SYNE2: variants seen among roughly 807,000 people sequenced by gnomAD.
SYNE2 encodes the protein nesprin-2.
Under a neutral mutation model 856.3 loss-of-function variants are expected in SYNE2, and 431 were observed. The observed-to-expected ratio is 0.50, with a 90% CI of 0.47 to 0.55. The LOEUF (loss-of-function observed/expected upper bound fraction) is 0.55, where lower values mean the gene tolerates loss of function less well. Among genes scored for constraint, SYNE2 ranks in the 20% least tolerant of loss-of-function variants. The pLI is 0.00. For missense variants in SYNE2, 8,129 were observed against 8,023.2 expected (o/e 1.01, Z -0.50); for synonymous variants, 2,923 against 2,872.3 (o/e 1.02, Z -0.56).
rs145321407 is a variant in SYNE2 at position 63,918,844 on chromosome 14, T to C, written c.79+9617T>C. Among the ~76,000 whole-genome samples, 956 of 152,290 alleles carry C rather than the reference T, an allele frequency of 6.3e-3. 13 individuals carry two copies. The highest frequency in any genetic ancestry group is 0.022 in the African/African-American group (914 of 41,552). On this transcript the variant is annotated intron_variant, in intron 2 of 115. Coordinates refer to ENST00000555002, the MANE Select transcript of SYNE2 (RefSeq NM_182914.3). Reference sequence around the variant, plus strand: ...AAAGGTGGAGCACAAAGAGCCCTTCTCAAATTTGAGAAACACTTAATATCT... The same window carrying C: ...AAAGGTGGAGCACAAAGAGCCCTTCCCAAATTTGAGAAACACTTAATATCT...
chr14:64,218,362 T>C, intron 108 of SYNE2, 36 bp from the exon 109 acceptor site: 1 of 1,579,224 alleles, frequency 6.3e-7, no homozygotes. Flanking sequence ...ATCCTTCATA[T>C]CTACAGATGG....
intron 1 of SYNE2, among the ~76,000 whole-genome samples, chr14:63,820,261 C>T (rs1284510607): frequency 3.3e-5 from 5 of 151,864 alleles, no homozygotes; most frequent in Admixed American, 6.6e-5. Context: ...AGAAATAAAC[C>T]CATACATATA....
At chr14:64,113,071 C>T in intron 65 of SYNE2, 11 of 985,424 alleles carry the variant, frequency 1.1e-5, no homozygotes, top group Non-Finnish European at 1.3e-5. Flanking sequence ...TCTCCTGGGG[C>T]TCACCGGGTA....
intron 3 of SYNE2, 51 bp downstream of exon 3, chr14:63,940,726 T>TA: frequency 6.5e-7 from 1 of 1,545,074 alleles, no homozygotes; most frequent in East Asian, 2.3e-5. Context: ...TTACTCCCCC[T>TA]ACTCCTTCTG....
chr14:63,943,142 C>T (rs1285395917), intron 6 of SYNE2, among the ~76,000 whole-genome samples: 1 of 152,222 alleles, frequency 6.6e-6, no homozygotes, highest in East Asian at 1.9e-4. Context: ...TGGGGGACTC[C>T]TGTCCTATCT....
At position 64,225,890 on chromosome 14, in the gene SYNE2, A is replaced by T. The variant is rs1461277758; in HGVS notation, c.*364A>T. On this transcript the variant is annotated 3_prime_UTR_variant, in exon 116 of 116. Transcript: ENST00000555002. Reference sequence around the variant, plus strand: ...GTCAATGAGCAGTGGTGTCCATCACATATATTATAGAAGCAAGCGAGGACA... The same window carrying T: ...GTCAATGAGCAGTGGTGTCCATCACTTATATTATAGAAGCAAGCGAGGACA... 1 of 496,664 alleles carries T rather than the reference A, an allele frequency of 2.0e-6. No homozygotes were observed. Among genetic ancestry groups the T allele is most frequent in the Non-Finnish European group, 3.6e-6 (1 of 278,300 alleles). 30.8% of individuals were successfully genotyped at this position (496,664 alleles called of 1,614,324 possible).
chr14:63,901,542 G>T (rs2095337128), intron 1 of SYNE2, among the ~76,000 whole-genome samples: 1 of 152,050 alleles, frequency 6.6e-6, no homozygotes, highest in African/African-American at 2.4e-5. Flanking sequence ...TAAATGCCAA[G>T]ATTTCTTTAA....
chr14:63,891,168 A>G (rs932927414), intron 1 of SYNE2, among the ~76,000 whole-genome samples: 3 of 152,210 alleles, frequency 2.0e-5, no homozygotes, highest in Non-Finnish European at 4.4e-5. Context: ...TCTTTCCTGT[A>G]CCCTCCTAGG....
intron 96 of SYNE2, among the ~76,000 whole-genome samples, chr14:64,177,872 C>T (rs974358191): frequency 7.2e-5 from 11 of 152,140 alleles, no homozygotes; most frequent in African/African-American, 2.4e-4. Flanking sequence ...TTTTGAAAGC[C>T]AGTAGGTTGG....
chr14:64,064,448 T>C (rs2097342017), intron 50 of SYNE2, among the ~76,000 whole-genome samples: 1 of 152,040 alleles, frequency 6.6e-6, no homozygotes, highest in Non-Finnish European at 1.5e-5. Context: ...TTTTTCCTTC[T>C]GGAATTTTTT....
chr14:63,856,859 C>T (rs1026846267), intron 1 of SYNE2, among the ~76,000 whole-genome samples: 1 of 152,226 alleles, frequency 6.6e-6, no homozygotes, highest in Admixed American at 6.5e-5. Context: ...GTAGCCTCTA[C>T]CTCCTGGGCC....
At chr14:64,005,935 G>A (rs1272045246) in intron 30 of SYNE2, among the ~76,000 whole-genome samples, 1 of 152,178 alleles carries the variant, frequency 6.6e-6, no homozygotes, top group African/African-American at 2.4e-5. Flanking sequence ...AACTGAGAAG[G>A]GAGAGGCCAG....
intron 1 of SYNE2, among the ~76,000 whole-genome samples, chr14:63,769,851 A>G (rs574018037): frequency 1.3e-5 from 2 of 151,938 alleles, no homozygotes; most frequent in East Asian, 3.9e-4. Flanking sequence ...GTGAGCCAAG[A>G]TTGTGTCACT....
At chr14:64,114,363 CCAGA>C (rs914392539) in intron 66 of SYNE2, among the ~76,000 whole-genome samples, 4 of 152,158 alleles carry the variant, frequency 2.6e-5, no homozygotes, top group African/African-American at 9.7e-5. Context: ...ACTTAGGAGA[CCAGA>C]CTTGTCTTTA....
chr14:64,225,267 G>T, intron 115 of SYNE2, 52 bp from the exon 116 acceptor site: 2 of 1,613,768 alleles, frequency 1.2e-6, no homozygotes, highest in Non-Finnish European at 1.7e-6. Context: ...GTAATAGAGT[G>T]GGTTGTGCCT....
intron 45 of SYNE2, among the ~76,000 whole-genome samples, chr14:64,032,060 C>T (rs2153546878): frequency 6.6e-6 from 1 of 152,264 alleles, no homozygotes; most frequent in Non-Finnish European, 1.5e-5. Flanking sequence ...GAGGTTGGAA[C>T]ATTCAGGTAT....
intron 112 of SYNE2, among the ~76,000 whole-genome samples, chr14:64,222,014 TG>T (rs2098696608): frequency 6.6e-6 from 1 of 152,206 alleles, no homozygotes; most frequent in African/African-American, 2.4e-5. Flanking sequence ...TCCTGCTCAT[TG>T]GGGAGAAATA....
intron 1 of SYNE2, among the ~76,000 whole-genome samples, chr14:63,791,930 C>G (rs1438765462): frequency 2.4e-5 from 3 of 125,586 alleles, no homozygotes; most frequent in African/African-American, 9.1e-5. Context: ...GGTGAAAGAG[C>G]GAGACTCCGT....
At chr14:64,202,239 G>T (rs1361588630) in intron 99 of SYNE2, 1 of 702,350 alleles carries the variant, frequency 1.4e-6, no homozygotes, top group Non-Finnish European at 2.6e-6. Flanking sequence ...AATGTATACG[G>T]CTGGGTGAAC....
Sources: allele counts gnomAD v4.1 joint callset (sites outside exome capture counted in the v4.1 genomes callset), GRCh38; gene constraint gnomAD v4.1.1; transcripts MANE v1.5; gene names NCBI Gene and HGNC (gene_info 2026-07-23, HGNC 2026-07-21).